ASTN2: variants seen among roughly 807,000 people sequenced by gnomAD.
ASTN2 encodes astrotactin-2.
A neutral mutation model predicts 139.8 loss-of-function variants in ASTN2; 54 were observed. That is an observed-to-expected ratio of 0.39 (90% CI 0.31 to 0.48). The LOEUF (loss-of-function observed/expected upper bound fraction) is 0.48, where lower values mean the gene tolerates loss of function less well. ASTN2 is among the 20% of genes least tolerant of loss of function. ASTN2 has a pLI of 0.95. For missense variants in ASTN2, 1,565 were observed against 1,725.1 expected, an observed-to-expected ratio of 0.91 and a Z score of 1.64; for synonymous variants, 756 against 719.5, an observed-to-expected ratio of 1.05 and a Z score of -0.81.
At chr9:117,033,700 G>T (rs906182639) in intron 6 of ASTN2, among the ~76,000 whole-genome samples, 3 of 151,990 alleles carry the variant, frequency 2.0e-5, no homozygotes, top group Admixed American at 6.6e-5. Context: ...TGGAAGCTTA[G>T]AGCATAGAAG....
intron 1 of ASTN2, among the ~76,000 whole-genome samples, chr9:117,351,905 A>G (rs1012805404): frequency 2.0e-5 from 3 of 152,188 alleles, no homozygotes; most frequent in African/African-American, 7.2e-5. Flanking sequence ...AAAGTCACCT[A>G]TCACCAAAGC....
chr9:116,784,929 CA>C (rs58241855), intron 13 of ASTN2, among the ~76,000 whole-genome samples: 35,653 of 104,070 alleles, frequency 0.34, 4,165 homozygotes, highest in African/African-American at 0.41. Flanking sequence ...AACTCCGCCT[CA>C]AAAAAAAAAA....
intron 19 of ASTN2, among the ~76,000 whole-genome samples, chr9:116,500,889 T>C (rs945208677): frequency 5.9e-5 from 9 of 152,200 alleles, no homozygotes; most frequent in Non-Finnish European, 1.2e-4. Flanking sequence ...CTTTGTGTGG[T>C]GTAAGCAGAA....
chr9:117,156,174 G>C (rs1440614555), intron 3 of ASTN2, among the ~76,000 whole-genome samples: 2 of 152,062 alleles, frequency 1.3e-5, no homozygotes, highest in African/African-American at 4.8e-5. Context: ...CTGCACCCCA[G>C]GCTCCACGAT....
intron 13 of ASTN2, among the ~76,000 whole-genome samples, chr9:116,777,031 T>C (rs1830102010): frequency 6.6e-6 from 1 of 152,200 alleles, no homozygotes; most frequent in Non-Finnish European, 1.5e-5. Context: ...TAGCATTTCT[T>C]GGGATGCCTA....
chr9:117,283,395 T>C (rs1417839458), intron 2 of ASTN2, among the ~76,000 whole-genome samples: 1 of 151,872 alleles, frequency 6.6e-6, no homozygotes. Flanking sequence ...TTAAAGTCTA[T>C]ACTTACAATA....
intron 11 of ASTN2, among the ~76,000 whole-genome samples, chr9:116,827,129 G>A (rs1230600091): frequency 6.6e-6 from 1 of 151,900 alleles, no homozygotes; most frequent in Non-Finnish European, 1.5e-5. Context: ...GAGCAACATG[G>A]AGAAAACCCG....
chr9:116,560,358 T>C (rs2131660949), intron 19 of ASTN2, among the ~76,000 whole-genome samples: 1 of 152,288 alleles, frequency 6.6e-6, no homozygotes, highest in Non-Finnish European at 1.5e-5. Flanking sequence ...AAAATAGTCT[T>C]ACCCCTTACG....
intron 6 of ASTN2, among the ~76,000 whole-genome samples, chr9:117,035,143 G>A (rs1305697763): frequency 6.6e-6 from 1 of 152,130 alleles, no homozygotes; most frequent in Non-Finnish European, 1.5e-5. Context: ...TCATGGGGGT[G>A]ACTGAAAAAG....
intron 4 of ASTN2, among the ~76,000 whole-genome samples, chr9:117,125,878 T>C (rs1009357066): frequency 2.0e-5 from 3 of 152,032 alleles, no homozygotes; most frequent in East Asian, 1.9e-4. Flanking sequence ...GGGGTTTGTG[T>C]TTTCAATTGG....
intron 19 of ASTN2, among the ~76,000 whole-genome samples, chr9:116,577,271 G>A (rs902979212): frequency 4.6e-5 from 7 of 152,196 alleles, no homozygotes; most frequent in African/African-American, 1.2e-4. Context: ...GCTCATGCCT[G>A]TAACCTCAGC....
intron 6 of ASTN2, among the ~76,000 whole-genome samples, chr9:117,013,882 T>TA (rs1427048225): frequency 6.6e-6 from 1 of 152,052 alleles, no homozygotes; most frequent in East Asian, 1.9e-4. Flanking sequence ...CATCATGAAA[T>TA]AGACCTCTGA....
chr9:117,176,925 A>G (rs2132937798), intron 3 of ASTN2, among the ~76,000 whole-genome samples: 1 of 152,342 alleles, frequency 6.6e-6, no homozygotes, highest in East Asian at 1.9e-4. Flanking sequence ...CCTTGTCTCT[A>G]AAAAATAAAG....
chr9:116,615,669 G>A (rs1855809485), intron 19 of ASTN2, among the ~76,000 whole-genome samples: 1 of 148,664 alleles, frequency 6.7e-6, no homozygotes, highest in African/African-American at 2.5e-5. Flanking sequence ...GGTGGGAATT[G>A]AACAATGAGA....
intron 4 of ASTN2, among the ~76,000 whole-genome samples, chr9:117,126,938 G>A (rs1829703441): frequency 6.6e-6 from 1 of 152,186 alleles, no homozygotes; most frequent in Non-Finnish European, 1.5e-5. Flanking sequence ...TGGAGACCCT[G>A]GGTAGGTAGT....
At position 116,530,123 on chromosome 9, in the gene ASTN2, ATATATATATATATATATATATATATAT is replaced by A. The variant is rs1564345722; in HGVS notation, c.3356-42650_3356-42624del. On this transcript the variant is annotated intron_variant, in intron 19 of 22. Coordinates refer to ENST00000313400, the MANE Select transcript of ASTN2 (RefSeq NM_001365068.1). ...TATATATATATATATATATATATAT[ATATATATATATATATATATATATATAT>A]AAAATAGAATATTATTAATCCTTAA... 9.0e-4 allele frequency among the ~76,000 whole-genome samples: 50 copies of A among 55,462 alleles called. 2 individuals carry two copies. The highest frequency in any genetic ancestry group is 4.1e-3 in the African/African-American group (49 of 11,980). 36.4% of individuals were successfully genotyped at this position (55,462 alleles called of 152,430 possible). A position where few individuals can be genotyped will look rare whatever the true frequency, so the allele number is the denominator to read the frequency against.
At chr9:117,342,142 C>T (rs1829079827) in intron 1 of ASTN2, among the ~76,000 whole-genome samples, 1 of 152,168 alleles carries the variant, frequency 6.6e-6, no homozygotes. Context: ...TATTCATTAA[C>T]TGTTGTTAAC....
chr9:117,040,095 G>T, intron 5 of ASTN2, 130 bp from the exon 6 acceptor site: 1 of 1,133,554 alleles, frequency 8.8e-7, no homozygotes, highest in Non-Finnish European at 1.2e-6. Flanking sequence ...AAAAAGACAT[G>T]TTTTCTAACC....
At chr9:116,596,451 CAT>C (rs1176695857) in intron 19 of ASTN2, among the ~76,000 whole-genome samples, 2 of 152,150 alleles carry the variant, frequency 1.3e-5, no homozygotes, top group African/African-American at 4.8e-5. Context: ...CAAACACACA[CAT>C]GTACACACAC....
Sources: gnomAD v4.1 joint callset for allele counts (sites outside exome capture counted in the v4.1 genomes callset) on GRCh38, gnomAD v4.1.1 for gene constraint, MANE v1.5 for transcripts, NCBI Gene and HGNC (gene_info 2026-07-23, HGNC 2026-07-21) for gene names.